RSPO3: variants seen among roughly 807,000 people sequenced by gnomAD.
RSPO3 encodes R-spondin-3.
Under a neutral mutation model 36.5 loss-of-function variants are expected in RSPO3, and 17 were observed. The observed-to-expected ratio is 0.47, with a 90% CI of 0.32 to 0.70. RSPO3 has a LOEUF of 0.70. RSPO3 is among the 30% of genes least tolerant of loss of function. The pLI is 0.04. For synonymous variants in RSPO3, 108 were observed against 107.0 expected, an observed-to-expected ratio of 1.01 and a Z score of -0.06; for missense variants, 294 against 322.5, an observed-to-expected ratio of 0.91 and a Z score of 0.68.
At chr6:127,192,738 C>T in intron 4 of RSPO3, 1 of 939,244 alleles carries the variant, frequency 1.1e-6, no homozygotes, top group African/African-American at 1.8e-5. Context: ...TGCACACAAA[C>T]ATGAATATTC....
chr6:127,137,677 T>TGG (rs1427173953), intron 1 of RSPO3, among the ~76,000 whole-genome samples: 14 of 152,210 alleles, frequency 9.2e-5, no homozygotes, highest in Non-Finnish European at 1.6e-4. Flanking sequence ...TATTCCTACA[T>TGG]AAAGCATTTT....
At chr6:127,167,673 C>T (rs1774848702) in intron 4 of RSPO3, among the ~76,000 whole-genome samples, 1 of 151,976 alleles carries the variant, frequency 6.6e-6, no homozygotes, top group African/African-American at 2.4e-5. Flanking sequence ...AGGTTTGTTA[C>T]ATATGTATAC....
At chr6:127,179,605 G>T (rs1775139678) in intron 4 of RSPO3, among the ~76,000 whole-genome samples, 1 of 151,812 alleles carries the variant, frequency 6.6e-6, no homozygotes, top group African/African-American at 2.4e-5. Context: ...GTTTTTTGTT[G>T]CTGTCATCAT....
chr6:127,166,063 T>C (rs1016413960), intron 4 of RSPO3, among the ~76,000 whole-genome samples: 15 of 152,000 alleles, frequency 9.9e-5, no homozygotes, highest in Non-Finnish European at 1.3e-4. Context: ...AAAATTTCCA[T>C]AGAGAATGAA....
chr6:127,124,158 T>C (rs1773896577), intron 1 of RSPO3, among the ~76,000 whole-genome samples: 2 of 152,034 alleles, frequency 1.3e-5, no homozygotes, highest in African/African-American at 2.4e-5. Context: ...GAATGAGCTA[T>C]GAAAAAATAA....
rs965845778 is a variant in RSPO3, at chr6:127,197,753, T to C, written c.*1746T>C. The stretch of plus-strand genomic sequence containing the variant: ...CTCTTCCTCTTCTAAGATATAAACA[T>C]TTTAAATGATTTATTCCTGTTTCTT... On this transcript the variant is annotated 3_prime_UTR_variant, in exon 5 of 5. Transcript: ENST00000356698. The C allele has an allele frequency of 6.8e-6, 3 of 438,308 alleles. No homozygotes were observed. Among genetic ancestry groups the C allele is most frequent in the African/African-American group, 5.9e-5 (3 of 50,530 alleles). 27.2% of individuals were successfully genotyped at this position (438,308 alleles called of 1,614,324 possible). A position where few individuals can be genotyped will look rare whatever the true frequency, so the allele number is the denominator to read the frequency against.
At position 127,196,060 on chromosome 6, in the gene RSPO3, C is replaced by T; in HGVS notation, c.*53C>T. 1 of 1,457,658 alleles carries T rather than the reference C, an allele frequency of 6.9e-7. No homozygotes were observed. The highest frequency in any genetic ancestry group is 1.5e-5 in the South Asian group (1 of 65,064). The allele number at this position is 1,457,658 out of a possible 1,614,324, so 90.3% of individuals were successfully genotyped here. On this transcript the variant is annotated 3_prime_UTR_variant, in exon 5 of 5. Transcript: ENST00000356698. ...ATGATGCTGCTATCTCAACCAGATG[C>T]CCAGGACAGGTGCTCTAGCCATTAG...
At chr6:127,156,210 T>A (rs890387740) in intron 4 of RSPO3, among the ~76,000 whole-genome samples, 1 of 152,242 alleles carries the variant, frequency 6.6e-6, no homozygotes, top group Non-Finnish European at 1.5e-5. Context: ...TGTCTCCAGA[T>A]ATCTTTTCAT....
At position 127,155,328 on chromosome 6, in the gene RSPO3, G is replaced by A. The variant is rs143484700; in HGVS notation, c.524G>A (p.Arg175Gln). The A allele has an allele frequency of 8.1e-6, 13 of 1,613,722 alleles. No homozygotes were observed. The highest frequency in any genetic ancestry group is 1.3e-5 in the African/African-American group (1 of 74,870). Residue 175 changes from arginine (R) to glutamine (Q), a missense_variant, in exon 4 of 5, where the codon CGG becomes CAG. Transcript: ENST00000356698. ...GGCTTCAAAAGAGGGACTGAAACAC[G>A]GGTCCGAGAAATAATACAGCATCCT... ...TCGFKRGTETRVREIIQHPSA... is the reference protein window; with the variant it reads ...TCGFKRGTETQVREIIQHPSA...
chr6:127,121,013 G>T (rs952485402), intron 1 of RSPO3, among the ~76,000 whole-genome samples: 1 of 152,214 alleles, frequency 6.6e-6, no homozygotes, highest in Non-Finnish European at 1.5e-5. Flanking sequence ...TGGGCATAGG[G>T]AGCCCGGGCT....
intron 1 of RSPO3, among the ~76,000 whole-genome samples, chr6:127,120,134 GCTT>G (rs1773812909): frequency 1.3e-5 from 2 of 152,288 alleles, no homozygotes; most frequent in Admixed American, 1.3e-4. Flanking sequence ...GATTGTGATG[GCTT>G]CTTAAGACGG....
At chr6:127,182,560 A>G (rs923244106) in intron 4 of RSPO3, among the ~76,000 whole-genome samples, 1 of 151,886 alleles carries the variant, frequency 6.6e-6, no homozygotes, top group African/African-American at 2.4e-5. Context: ...TTCTTTCAGG[A>G]ATTGTCACAT....
chr6:127,127,414 C>G (rs552987693), intron 1 of RSPO3, among the ~76,000 whole-genome samples: 1 of 152,088 alleles, frequency 6.6e-6, no homozygotes, highest in Non-Finnish European at 1.5e-5. Context: ...TGGCAAACAA[C>G]AGCTTTTTAG....
In RSPO3 at chr6:127,195,939, A is replaced by T; in HGVS notation, c.751A>T (p.Lys251Ter). The change falls in exon 5 of 5, where the codon AAA becomes TAA. Residue 251 changes from lysine to a stop codon, truncating the protein, a stop_gained. Transcript: ENST00000356698. LOFTEE classifies it high-confidence loss of function. The stretch of plus-strand genomic sequence containing the variant: ...AGAAATCCCAGAGCAACGAGAAAAC[A>T]AACAGCAGCAGAAGAAGCGAAAAGT... ...SKEIPEQREN[K>*]QQQKKRKVQD... 6.2e-7 allele frequency: 1 copy of T among 1,613,396 alleles called. No individual in the cohort carries two copies. The highest frequency in any genetic ancestry group is 8.5e-7 in the Non-Finnish European group (1 of 1,179,492).
At chr6:127,177,361 C>T (rs1022352404) in intron 4 of RSPO3, among the ~76,000 whole-genome samples, 2 of 151,828 alleles carry the variant, frequency 1.3e-5, no homozygotes, top group Admixed American at 6.6e-5. Flanking sequence ...GCACATTCAT[C>T]TGGTAACTGT....
intron 4 of RSPO3, among the ~76,000 whole-genome samples, chr6:127,169,594 A>G (rs575724418): frequency 6.6e-6 from 1 of 152,014 alleles, no homozygotes; most frequent in Admixed American, 6.6e-5. Context: ...ATACTTCACC[A>G]TTCTTTTTTG....
intron 4 of RSPO3, among the ~76,000 whole-genome samples, chr6:127,195,224 A>G (rs1775490454): frequency 6.6e-6 from 1 of 152,208 alleles, no homozygotes; most frequent in African/African-American, 2.4e-5. Flanking sequence ...TGGAGAGTAC[A>G]GTGGCGCTAT....
intron 4 of RSPO3, among the ~76,000 whole-genome samples, chr6:127,182,229 A>G (rs1034618063): frequency 6.6e-6 from 1 of 151,870 alleles, no homozygotes; most frequent in Non-Finnish European, 1.5e-5. Context: ...AATGACTCCC[A>G]AACACCTCCC....
intron 4 of RSPO3, among the ~76,000 whole-genome samples, chr6:127,194,894 T>A (rs1775483385): frequency 6.6e-6 from 1 of 152,212 alleles, no homozygotes; most frequent in Non-Finnish European, 1.5e-5. Context: ...CAACCTGCCC[T>A]GGTAGCTTGT....
Sources: allele counts gnomAD v4.1 joint callset (sites outside exome capture counted in the v4.1 genomes callset), GRCh38; gene constraint gnomAD v4.1.1; transcripts MANE v1.5; gene names NCBI Gene and HGNC (gene_info 2026-07-23, HGNC 2026-07-21).